Variants in LHB observed in about 807,000 individuals in gnomAD.
LHB encodes lutropin subunit beta.
In LHB, 11 loss-of-function variants were observed where a neutral mutation model predicts 10.6. The observed-to-expected ratio is 1.04, with a 90% CI of 0.66 to 1.72. The LOEUF (loss-of-function observed/expected upper bound fraction) is 1.72, where lower values mean the gene tolerates loss of function less well. Ranked by LOEUF, LHB falls within the 40% of genes most tolerant of loss-of-function variation. The probability of loss-of-function intolerance (pLI) is 0.00; values close to 1 mark genes in which losing one functional copy is unlikely to be tolerated. For missense variants in LHB, 184 were observed against 197.3 expected, an observed-to-expected ratio of 0.93 and a Z score of 0.41; for synonymous variants, 86 against 83.1, an observed-to-expected ratio of 1.03 and a Z score of -0.19.
upstream of LHB, chr19:49,018,797 C>T (rs2039595985): frequency 7.7e-7 from 1 of 1,298,824 alleles, no homozygotes; most frequent in African/African-American, 1.5e-5. Context: ...GAATGGGAGC[C>T]AGCCCAGGGG....
In LHB at chr19:49,017,072, G is replaced by A. The variant is rs143723476; in HGVS notation, c.10C>T (p.Leu4Phe). The A allele has an allele frequency of 8.1e-5, 130 of 1,613,762 alleles. No homozygotes were observed. The highest frequency in any genetic ancestry group is 9.8e-5 in the Non-Finnish European group (116 of 1,179,860). The stretch of plus-strand genomic sequence containing the variant: ...CAGGGGCCCTGTAGTCTTACCTGGA[G>A]CATCTCCATCCTTGGTGCATCCCCT... MEM[L>F]QGLLLLLLLS... Residue 4 changes from leucine (L) to phenylalanine (F), a missense_variant, in exon 1 of 3, where the codon CTC becomes TTC. Physicochemically the swap from Leu to Phe is conservative, Grantham distance 22. Transcript: ENST00000649238.
At chr19:49,017,606 A>T (rs3795050), upstream of LHB, 1 of 1,021,042 alleles carries the variant, frequency 9.8e-7, no homozygotes, top group Non-Finnish European at 1.2e-6. Flanking sequence ...AGGAGGGATT[A>T]AGCCCGAGCC....
In LHB at chr19:49,016,266, C is replaced by T; in HGVS notation, c.228G>A (p.Val76=). The T allele has an allele frequency of 2.5e-6, 4 of 1,612,270 alleles. No individual in the cohort carries two copies. The highest frequency in any genetic ancestry group is 1.1e-5 in the South Asian group (1 of 91,006). Residue 76 remains valine, a synonymous_variant, in exon 3 of 3, where the codon GTG becomes GTA. Transcript: ENST00000649238. ...QAVLPPLPQV[V]CTYRDVRFES... is the part of the protein sequence containing the mutation. ...CGAAGCGCACATCACGGTAGGTGCACACCACCTGAGGCAGGGGCGGCAGGA... is the reference window on the plus strand; with the variant it reads ...CGAAGCGCACATCACGGTAGGTGCATACCACCTGAGGCAGGGGCGGCAGGA...
At chr19:49,016,464 G>C in intron 2 of LHB, 83 bp downstream of exon 2, 1 of 1,603,626 alleles carries the variant, frequency 6.2e-7, no homozygotes, top group Non-Finnish European at 8.5e-7. Context: ...AGGCCAGAGA[G>C]GCAGACCACC....
chr19:49,018,443 C>T (rs1050961010), upstream of LHB: 11 of 686,398 alleles, frequency 1.6e-5, no homozygotes, highest in Admixed American at 3.4e-4. Flanking sequence ...CCTGCATTTC[C>T]AGGCGAGCAC....
upstream of LHB, chr19:49,017,509 G>A: frequency 3.5e-6 from 4 of 1,131,418 alleles, no homozygotes; most frequent in South Asian, 2.6e-5. Flanking sequence ...CAGGAGGGGC[G>A]CTGCTTCGGA....
Position 49,016,051 on chromosome 19 carries a change from G to C in LHB, c.*17C>G. ...TCCAGGAGTCGGGATGGACTTGGAA[G>C]GCTGCGGGGAGGGTCTTTAGAGGAA... On this transcript the variant is annotated 3_prime_UTR_variant, in exon 3 of 3. Coordinates refer to ENST00000649238, the MANE Select transcript of LHB (RefSeq NM_000894.3). The C allele has an allele frequency of 6.2e-7, 1 of 1,613,844 alleles. No homozygotes were observed. The highest frequency in any genetic ancestry group is 8.5e-7 in the Non-Finnish European group (1 of 1,180,038).
At chr19:49,019,257 C>G, upstream of LHB, 1 of 1,307,052 alleles carries the variant, frequency 7.7e-7, no homozygotes, top group Non-Finnish European at 9.7e-7. Flanking sequence ...GAACTCAAAC[C>G]CAAGCCCCCA....
At chr19:49,018,627 G>A (rs761811944), upstream of LHB, among the ~76,000 whole-genome samples, 25 of 152,114 alleles carry the variant, frequency 1.6e-4, no homozygotes, top group Middle Eastern at 3.4e-3. Flanking sequence ...CCTCAGATCC[G>A]GAATCCCCTC....
Position 49,016,080 on chromosome 19 carries a change from G to GA in LHB, c.413dup (p.Leu139ProfsTer28), listed in dbSNP as rs2039545417. 4 of 1,613,232 alleles carry GA rather than the reference G, an allele frequency of 2.5e-6. No homozygotes were observed. The highest frequency in any genetic ancestry group is 3.4e-6 in the Non-Finnish European group (4 of 1,180,024). Reference sequence around the variant, plus strand: ...GCGGGGAGGGTCTTTAGAGGAAGAGGAGGCCTGAGAGTTGGGGGTGGTCAC... The same window carrying GA: ...GCGGGGAGGGTCTTTAGAGGAAGAGGAAGGCCTGAGAGTTGGGGGTGGTCAC... On this transcript the variant is annotated frameshift_variant, in exon 3 of 3. Coordinates refer to ENST00000649238, the MANE Select transcript of LHB (RefSeq NM_000894.3). LOFTEE classifies it high-confidence loss of function.
chr19:49,016,883 G>A (rs2039564808), intron 1 of LHB, 169 bp from the exon 2 acceptor site: 8 of 1,580,992 alleles, frequency 5.1e-6, no homozygotes, highest in Non-Finnish European at 6.9e-6. Context: ...CCACAGCCCA[G>A]AGGACCTGAG....
At chr19:49,018,396 C>T (rs1335886430), upstream of LHB, 4 of 1,077,796 alleles carry the variant, frequency 3.7e-6, no homozygotes, top group Admixed American at 4.2e-5. Flanking sequence ...GGACGAGTTT[C>T]AGACCTCGGG....
At chr19:49,016,495 G>C (rs1367689254) in intron 2 of LHB, 52 bp downstream of exon 2, 82 of 1,601,772 alleles carry the variant, frequency 5.1e-5, no homozygotes, top group Non-Finnish European at 6.9e-5. Context: ...CGCTGCCTCT[G>C]TGGGTCTGGC....
chr19:49,016,970 A>T, intron 1 of LHB, 97 bp downstream of exon 1: 1 of 1,611,076 alleles, frequency 6.2e-7, no homozygotes, highest in Non-Finnish European at 8.5e-7. Flanking sequence ...CCCTCCAGAA[A>T]GAGGCCTCCT....
upstream of LHB, chr19:49,017,152 G>A: frequency 1.9e-6 from 3 of 1,607,678 alleles, no homozygotes; most frequent in Non-Finnish European, 2.6e-6. Context: ...AGGCCACCAG[G>A]AGGTGATAGG....
At chr19:49,018,261 C>G (rs537528572), upstream of LHB, 66 of 989,664 alleles carry the variant, frequency 6.7e-5, no homozygotes, top group African/African-American at 1.0e-3. Flanking sequence ...CGCTGCGGGC[C>G]GTGGCTCCAG....
upstream of LHB, chr19:49,019,190 T>C: frequency 1.4e-6 from 2 of 1,404,726 alleles, no homozygotes; most frequent in Non-Finnish European, 9.2e-7. Context: ...TCCTTTCTCA[T>C]ACCCGAACCC....
At chr19:49,017,269 G>C (rs993869996), upstream of LHB, among the ~76,000 whole-genome samples, 2 of 152,286 alleles carry the variant, frequency 1.3e-5, no homozygotes, top group African/African-American at 4.8e-5. Context: ...CCCCTCAGTG[G>C]TCTAGCGCCA....
upstream of LHB, chr19:49,019,059 G>A: frequency 2.7e-6 from 4 of 1,474,572 alleles, no homozygotes; most frequent in Non-Finnish European, 3.6e-6. Context: ...CCCATCCCAA[G>A]CCCTGGGTCC....
Sources: allele counts gnomAD v4.1 joint callset (sites outside exome capture counted in the v4.1 genomes callset), GRCh38; gene constraint gnomAD v4.1.1; transcripts MANE v1.5; gene names NCBI Gene and HGNC (gene_info 2026-07-23, HGNC 2026-07-21).